The following DENND4B variants were observed in gnomAD, a reference collection of about 807,000 sequenced individuals.
DENND4B encodes DENN domain-containing protein 4B.
A neutral mutation model predicts 161.0 loss-of-function variants in DENND4B; 67 were observed. The observed-to-expected ratio is 0.42, with a 90% confidence interval of 0.34 to 0.51. The LOEUF (loss-of-function observed/expected upper bound fraction) is 0.51. Ranked by LOEUF, DENND4B falls within the 20% of genes least tolerant of loss-of-function variation. DENND4B has a pLI of 0.08. For missense variants in DENND4B, 1,481 were observed against 1,968.0 expected (o/e 0.75, Z 4.68); for synonymous variants, 753 against 813.8 (o/e 0.93, Z 1.27).
At position 153,940,215 on chromosome 1, in the gene DENND4B, C is replaced by A; in HGVS notation, c.1544G>T (p.Arg515Leu). ...GGCCAGCAGAACCTTGTAGGGTCTG[C>A]GGGGCAGGGTCCGAGGGGAGAGGAG... is the stretch of plus-strand genomic sequence containing the variant. The part of the protein sequence containing the change: ...KKLLSPRTLP[R>L]RPYKVLLATL... The change falls in exon 11 of 28, where the codon CGC becomes CTC. Residue 515 changes from arginine to leucine, a missense_variant. Physicochemically the swap from Arg to Leu is moderately radical, Grantham distance 102. Coordinates refer to ENST00000361217, the MANE Select transcript of DENND4B (RefSeq NM_014856.3). The surrounding 1 kb of genome is among the most constrained non-coding windows in gnomAD (Gnocchi z 5.6). 6.2e-7 allele frequency: 1 copy of A among 1,603,066 alleles called. No individual in the cohort carries two copies. The highest frequency in any genetic ancestry group is 8.5e-7 in the Non-Finnish European group (1 of 1,175,400).
chr1:153,929,725 G>A lies in DENND4B; in HGVS notation c.*572C>T, dbSNP rs1678795059. On this transcript the variant is annotated 3_prime_UTR_variant, in exon 28 of 28. Transcript: ENST00000361217. ...AGGAACTACAAACCACCGGACCATG[G>A]TGCCCTATTTCCCTTCCCTTTCTCA... 6.6e-6 allele frequency: 1 copy of A among 152,288 alleles called. No homozygotes were observed. The highest frequency in any genetic ancestry group is 2.4e-5 in the African/African-American group (1 of 41,418). 9.4% of individuals were successfully genotyped at this position (152,288 alleles called of 1,614,324 possible). A position where few individuals can be genotyped will look rare whatever the true frequency, so the allele number is the denominator to read the frequency against.
At chr1:153,941,718 T>C in intron 6 of DENND4B, 151 bp downstream of exon 6, 1 of 1,386,688 alleles carries the variant, frequency 7.2e-7, no homozygotes, top group Non-Finnish European at 9.6e-7. Context: ...GTGGCGTTTT[T>C]ACAGTGGATA....
At chr1:153,938,828 A>G in intron 13 of DENND4B, 72 bp downstream of exon 13, 1 of 1,526,398 alleles carries the variant, frequency 6.6e-7, no homozygotes, top group Non-Finnish European at 8.9e-7. Context: ...TTCCGTCTAA[A>G]ATGGCCTTGG....
At chr1:153,943,637 C>T (rs1470880437) in intron 2 of DENND4B, among the ~76,000 whole-genome samples, 2 of 143,912 alleles carry the variant, frequency 1.4e-5, no homozygotes, top group Admixed American at 7.5e-5. Flanking sequence ...AAGATCACAC[C>T]ACTGCACTCC....
At position 153,930,593 on chromosome 1, in the gene DENND4B, G is replaced by A; in HGVS notation, c.4291C>T (p.Arg1431Cys). ...TGLHLQRGIY[R>C]EILFLTMAAL... Reference sequence around the variant, plus strand: ...GCCATTGTCAGGAATAATATCTCACGGTAGATTCCCCTTTAGTGGAGGCAG... The same window carrying A: ...GCCATTGTCAGGAATAATATCTCACAGTAGATTCCCCTTTAGTGGAGGCAG... The change falls in exon 27 of 28, where the codon CGT becomes TGT. Residue 1431 changes from arginine (R) to cysteine (C), a missense_variant. Arg to Cys is a radical substitution (Grantham distance 180). Transcript: ENST00000361217. The surrounding 1 kb of genome is among the most constrained non-coding windows in gnomAD (Gnocchi z 4.7). 2 of 1,613,996 alleles carry A rather than the reference G, an allele frequency of 1.2e-6. No individual in the cohort carries two copies. Among genetic ancestry groups the A allele is most frequent in the Non-Finnish European group, 1.7e-6 (2 of 1,179,888 alleles).
rs768660004 is a variant in DENND4B, at chr1:153,941,266, G to A, written c.1146C>T (p.Leu382=). 1 of 1,613,930 alleles carries A rather than the reference G, an allele frequency of 6.2e-7. No homozygotes were observed. The highest frequency in any genetic ancestry group is 1.7e-5 in the Admixed American group (1 of 60,020). The change falls in exon 8 of 28, where the codon CTC becomes CTT. Residue 382 remains leucine, a synonymous_variant. Coordinates refer to ENST00000361217, the MANE Select transcript of DENND4B (RefSeq NM_014856.3). ...LVQMSPYDNL[L]LCQPVSSPLP... is the part of the protein sequence containing the mutation. ...GGGGTGAGGATACAGGCTGACAGAGGAGCAAGTTGTCATAGGGAGACATCT... is the reference window on the plus strand; with the variant it reads ...GGGGTGAGGATACAGGCTGACAGAGAAGCAAGTTGTCATAGGGAGACATCT...
chr1:153,933,113 C>T lies in DENND4B; in HGVS notation c.3454-83G>A, dbSNP rs551077275. ...CATGCCCCTTCCCCAGCCCCTCCCA[C>T]CTCCTCCCCATCTCCTGCCTTGGAC... On this transcript the variant is annotated intron_variant, in intron 21 of 27. Coordinates refer to ENST00000361217, the MANE Select transcript of DENND4B (RefSeq NM_014856.3). The surrounding 1 kb of genome is among the most constrained non-coding windows in gnomAD (Gnocchi z 5.7). The T allele has an allele frequency of 5.0e-6, 8 of 1,610,350 alleles. No individual in the cohort carries two copies. Among genetic ancestry groups the T allele is most frequent in the African/African-American group, 1.3e-5 (1 of 74,968 alleles).
In DENND4B at chr1:153,943,129, C is replaced by A; in HGVS notation, c.319G>T (p.Val107Leu). ...GGACGTTCCTTCCCCTCATACAACA[C>A]CCTTGGCACAGAGAGCAAAGATAGA... Reference protein sequence around the residue: ...RDKPPLVELGVLYEGKERPKP... With the variant: ...RDKPPLVELGLLYEGKERPKP... The change falls in exon 3 of 28, where the codon GTG becomes TTG. Residue 107 changes from valine to leucine, a missense_variant and splice_region_variant. Around this residue, in one of 3 missense-constraint regions of DENND4B, gnomAD observed 806 missense variants for 1,134.4 expected, o/e 0.71. Coordinates refer to ENST00000361217, the MANE Select transcript of DENND4B (RefSeq NM_014856.3). 1.2e-5 allele frequency: 20 copies of A among 1,609,968 alleles called. No homozygotes were observed. The highest frequency in any genetic ancestry group is 1.7e-5 in the Non-Finnish European group (20 of 1,176,938).
Position 153,941,456 on chromosome 1 carries a change from A to G in DENND4B, c.1056-16T>C. 1 of 1,608,528 alleles carries G rather than the reference A, an allele frequency of 6.2e-7. No individual in the cohort carries two copies. The highest frequency in any genetic ancestry group is 8.5e-7 in the Non-Finnish European group (1 of 1,178,148). On this transcript the variant is annotated splice_polypyrimidine_tract_variant and intron_variant, in intron 6 of 27. Coordinates refer to ENST00000361217, the MANE Select transcript of DENND4B (RefSeq NM_014856.3). The stretch of plus-strand genomic sequence containing the variant: ...GGAGATGTGCCTGGGGGACAGAGAA[A>G]CAGGTCAGAGCATACTCCCCCGTCC...
chr1:153,941,199 A>T, intron 8 of DENND4B, 32 bp downstream of exon 8: 1 of 1,612,256 alleles, frequency 6.2e-7, no homozygotes, highest in Non-Finnish European at 8.5e-7. Context: ...CTTGGTCATT[A>T]AAGCTCCCCT....
In DENND4B at chr1:153,937,433, A is replaced by G; in HGVS notation, c.2232+55T>C. 6.8e-7 allele frequency: 1 copy of G among 1,466,190 alleles called. No individual in the cohort carries two copies. The highest frequency in any genetic ancestry group is 1.4e-5 in the South Asian group (1 of 72,578). 90.8% of individuals were successfully genotyped at this position (1,466,190 alleles called of 1,614,324 possible). On this transcript the variant is annotated intron_variant, in intron 15 of 27. Transcript: ENST00000361217. The surrounding 1 kb of genome is among the most constrained non-coding windows in gnomAD (Gnocchi z 4.7). Reference sequence around the variant, plus strand: ...ATTTTGTAGATGAGGAAACTGAAGCAGCAGCAGCCTTCAGCCTGATCCGGG... The same window carrying G: ...ATTTTGTAGATGAGGAAACTGAAGCGGCAGCAGCCTTCAGCCTGATCCGGG...
chr1:153,945,380 G>A, intron 1 of DENND4B: 1 of 330,800 alleles, frequency 3.0e-6, no homozygotes, highest in Non-Finnish European at 6.1e-6. Context: ...GAAGGTGCCA[G>A]CACAGCATTA....
chr1:153,930,401 C>A lies in DENND4B; in HGVS notation c.4387G>T (p.Ala1463Ser). The A allele has an allele frequency of 6.2e-7, 1 of 1,613,984 alleles. No individual in the cohort carries two copies. Among genetic ancestry groups the A allele is most frequent in the Non-Finnish European group, 8.5e-7 (1 of 1,179,876 alleles). The change falls in exon 28 of 28, where the codon GCC becomes TCC. Residue 1463 changes from alanine to serine, a missense_variant. By Grantham distance (99) the Ala-to-Ser change is moderately conservative (BLOSUM62 1). Coordinates refer to ENST00000361217, the MANE Select transcript of DENND4B (RefSeq NM_014856.3). The surrounding 1 kb of genome is among the most constrained non-coding windows in gnomAD (Gnocchi z 4.7). The stretch of plus-strand genomic sequence containing the variant: ...AGCTCCTCCTTGCCCATGCTGCTGG[C>A]CAGCTTGTTAAAGGCAGACTTGTAC... ...KKYKSAFNKL[A>S]SSMGKEELRH...
rs1444915995 is a variant in DENND4B, at chr1:153,933,856, C to A, written c.2957G>T (p.Gly986Val). ...AGVAHMIEALGVLEPRGSPVP... is the reference protein window; with the variant it reads ...AGVAHMIEALVVLEPRGSPVP... ...AGGTGATCCCCGGGGTTCCAGGACC[C>A]CCAAGGCCTCTATCACTGCAGCACA... Residue 986 changes from glycine (G) to valine (V), a missense_variant, in exon 20 of 28, where the codon GGG (glycine) becomes GTG (valine). Coordinates refer to ENST00000361217, the MANE Select transcript of DENND4B (RefSeq NM_014856.3). The surrounding 1 kb of genome is among the most constrained non-coding windows in gnomAD (Gnocchi z 5.7). The A allele has an allele frequency of 6.2e-7, 1 of 1,613,066 alleles. No individual in the cohort carries two copies. The highest frequency in any genetic ancestry group is 8.5e-7 in the Non-Finnish European group (1 of 1,179,720).
chr1:153,934,908 G>A lies in DENND4B; in HGVS notation c.2625C>T (p.Ala875=), dbSNP rs941976671. The A allele has an allele frequency of 1.9e-6, 3 of 1,613,522 alleles. No homozygotes were observed. Among genetic ancestry groups the A allele is most frequent in the Admixed American group, 1.7e-5 (1 of 60,022 alleles). The change falls in exon 18 of 28, where the codon GCC becomes GCT. Residue 875 remains alanine, a synonymous_variant. Coordinates refer to ENST00000361217, the MANE Select transcript of DENND4B (RefSeq NM_014856.3). The surrounding 1 kb of genome is among the most constrained non-coding windows in gnomAD (Gnocchi z 5.3). ...SGTPGGRLRW[A]KLRNVVLGAA... is the part of the protein sequence containing the mutation. ...CCCCCAGGACAACATTCCGGAGCTTGGCCCAGCGCAGACGCCCACCTGGTG... is the reference window on the plus strand; with the variant it reads ...CCCCCAGGACAACATTCCGGAGCTTAGCCCAGCGCAGACGCCCACCTGGTG...
chr1:153,945,810 C>T (rs1190500369), intron 1 of DENND4B, among the ~76,000 whole-genome samples: 1 of 152,224 alleles, frequency 6.6e-6, no homozygotes, highest in African/African-American at 2.4e-5. Context: ...ACCTGCGCAC[C>T]GGGGCCTCCC....
chr1:153,942,672 G>A lies in DENND4B; in HGVS notation c.571-47C>T, dbSNP rs1679744874. The A allele has an allele frequency of 1.3e-6, 2 of 1,525,854 alleles. No individual in the cohort carries two copies. Among genetic ancestry groups the A allele is most frequent in the Admixed American group, 2.3e-5 (1 of 43,382 alleles). The allele number at this position is 1,525,854 out of a possible 1,614,324, so 94.5% of individuals were successfully genotyped here. Reference sequence around the variant, plus strand: ...ACAAGCAGATACATAGCTAACAAAGGTTTCTGGGGTCCACTTTCTCTCTAC... The same window carrying A: ...ACAAGCAGATACATAGCTAACAAAGATTTCTGGGGTCCACTTTCTCTCTAC... On this transcript the variant is annotated intron_variant, in intron 3 of 27. Transcript: ENST00000361217. The surrounding 1 kb of genome is among the most constrained non-coding windows in gnomAD (Gnocchi z 6.9).
At position 153,940,152 on chromosome 1, in the gene DENND4B, T is replaced by A; in HGVS notation, c.1603+4A>T. The stretch of plus-strand genomic sequence containing the variant: ...CAGCCTCCCTCCCCACCCAGGCTTC[T>A]CACTCTGGTCCAGCTGCTGGTACAG... On this transcript the variant is annotated splice_donor_region_variant and intron_variant, in intron 11 of 27. Transcript: ENST00000361217. This position sits in a 1 kb window ranked among gnomAD's most constrained non-coding sequence, Gnocchi z 5.6. 6.4e-7 allele frequency: 1 copy of A among 1,557,912 alleles called. No homozygotes were observed. The highest frequency in any genetic ancestry group is 8.7e-7 in the Non-Finnish European group (1 of 1,154,818).
Position 153,930,461 on chromosome 1 carries a change from G to T in DENND4B, c.4346-19C>A, listed in dbSNP as rs761744241. 29 of 1,613,788 alleles carry T rather than the reference G, an allele frequency of 1.8e-5. No homozygotes were observed. The highest frequency in any genetic ancestry group is 2.3e-5 in the Non-Finnish European group (27 of 1,179,816). On this transcript the variant is annotated intron_variant, in intron 27 of 27. Transcript: ENST00000361217. The surrounding 1 kb of genome is among the most constrained non-coding windows in gnomAD (Gnocchi z 4.7). ...AAGGCCACTAGGGAAGAAGGTGGAA[G>T]TCAACATGTTAGGACCGCAGCCTCC... is the stretch of plus-strand genomic sequence containing the variant.
Sources: allele counts gnomAD v4.1 joint callset (sites outside exome capture counted in the v4.1 genomes callset), GRCh38; gene constraint gnomAD v4.1.1; regional missense constraint gnomAD v4.1.1; non-coding constraint Gnocchi (gnomAD v3.1); transcripts MANE v1.5; gene names NCBI Gene and HGNC (gene_info 2026-07-23, HGNC 2026-07-21).